The following CYP4F22 variants were observed in gnomAD, a reference collection of about 807,000 sequenced individuals.
CYP4F22 encodes ultra-long-chain fatty acid omega-hydroxylase.
CYP4F22 carries 37 observed loss-of-function variants against 60.4 expected under a neutral mutation model. The ratio of observed to expected loss-of-function variants is 0.61; its 90% CI spans 0.47 to 0.81. CYP4F22 has a LOEUF of 0.81. Among genes scored for constraint, CYP4F22 ranks in the 30% least tolerant of loss-of-function variants. The probability of loss-of-function intolerance (pLI) is 0.00; values close to 1 mark genes in which losing one functional copy is unlikely to be tolerated. For synonymous variants in CYP4F22, 258 were observed against 280.5 expected (o/e 0.92, Z 0.80); for missense variants, 655 against 715.0 (o/e 0.92, Z 0.96).
intron 10 of CYP4F22, among the ~76,000 whole-genome samples, chr19:15,546,005 T>C (rs1334235160): frequency 6.6e-6 from 1 of 152,164 alleles, no homozygotes; most frequent in Non-Finnish European, 1.5e-5. Context: ...AAGTTTATTT[T>C]TTTTTAAGAC....
rs572335692 is a variant in CYP4F22, at chr19:15,551,385, C to T, written c.1510C>T (p.Arg504Cys). 1.1e-5 allele frequency: 18 copies of T among 1,610,354 alleles called. No homozygotes were observed. In the African/African-American group the frequency reaches 1.6e-4, roughly 14 times the overall value. The change falls in exon 14 of 14, where the codon CGC (arginine) becomes TGC (cysteine). Residue 504 changes from arginine to cysteine, a missense_variant. Coordinates refer to ENST00000269703, the MANE Select transcript of CYP4F22 (RefSeq NM_173483.4). ...LRFRLSVDRT[R>C]KVRRKPELIL... Reference sequence around the variant, plus strand: ...TTTCCGCCTGAGCGTGGACCGAACGCGCAAGGTGCGGCGGAAGCCGGAGCT... The same window carrying T: ...TTTCCGCCTGAGCGTGGACCGAACGTGCAAGGTGCGGCGGAAGCCGGAGCT...
chr19:15,521,467 A>T (rs1295281860), intron 1 of CYP4F22, among the ~76,000 whole-genome samples: 1 of 151,768 alleles, frequency 6.6e-6, no homozygotes. Flanking sequence ...TCTTGACCTC[A>T]GGTGAGCTGC....
Position 15,551,336 on chromosome 19 carries a change from G to A in CYP4F22, c.1461G>A (p.Val487=), listed in dbSNP as rs538529966. ...GQSFAMAELR[V]VVALTLLRFR... ...GCTTCGCCATGGCCGAGTTGCGCGT[G>A]GTTGTGGCACTAACACTGCTACGTT... The change falls in exon 14 of 14, where the codon GTG becomes GTA. Residue 487 remains valine, a synonymous_variant. Transcript: ENST00000269703. The A allele has an allele frequency of 6.2e-7, 1 of 1,613,590 alleles. No homozygotes were observed. The highest frequency in any genetic ancestry group is 1.1e-5 in the South Asian group (1 of 90,892).
At chr19:15,547,984 AGAGAGAGAGAGGGAGAGAGTGTGTGTGT>A in intron 10 of CYP4F22, 96 bp from the exon 11 acceptor site, 1 of 989,140 alleles carries the variant, frequency 1.0e-6, no homozygotes, top group Non-Finnish European at 1.4e-6. Context: ...AGAGAGAGAG[AGAGAGAGAGAGGGAGAGAGTGTGTGTGT>A]GTGTGTGTGT....
At chr19:15,511,506 C>T (rs1466794504) in intron 1 of CYP4F22, among the ~76,000 whole-genome samples, 10 of 152,100 alleles carry the variant, frequency 6.6e-5, no homozygotes, top group Non-Finnish European at 1.5e-4. Context: ...ACTTAGAAGT[C>T]CCCTCTCAGC....
At chr19:15,513,181 T>A (rs1271544956) in intron 1 of CYP4F22, among the ~76,000 whole-genome samples, 3 of 151,626 alleles carry the variant, frequency 2.0e-5, no homozygotes, top group African/African-American at 7.3e-5. Context: ...TCTTTTTTCA[T>A]TTTTATTTTT....
chr19:15,551,265 G>A (rs369403135), intron 13 of CYP4F22, 29 bp from the exon 14 acceptor site: 46 of 1,602,438 alleles, frequency 2.9e-5, no homozygotes, highest in Non-Finnish European at 3.3e-5. Context: ...ACAGAAGCTG[G>A]GCCTGAGCCC....
chr19:15,548,674 A>G (rs934171769), intron 11 of CYP4F22, among the ~76,000 whole-genome samples: 4 of 152,144 alleles, frequency 2.6e-5, no homozygotes, highest in African/African-American at 4.8e-5. Flanking sequence ...GGGCTGGAGT[A>G]GCTCCAATAT....
In CYP4F22 at chr19:15,540,649, G is replaced by C; in HGVS notation, c.871G>C (p.Ala291Pro). 1 of 1,614,234 alleles carries C rather than the reference G, an allele frequency of 6.2e-7. No homozygotes were observed. The highest frequency in any genetic ancestry group is 8.5e-7 in the Non-Finnish European group (1 of 1,180,044). Residue 291 changes from alanine to proline, a missense_variant, in exon 8 of 14, where the codon GCC (alanine) becomes CCC (proline). Around this residue, in one of 3 missense-constraint regions of CYP4F22, gnomAD observed 430 missense variants for 457.1 expected, o/e 0.94. Coordinates refer to ENST00000269703, the MANE Select transcript of CYP4F22 (RefSeq NM_173483.4). ...ERRRALRQQG[A>P]EAWLKAKQGK... is the part of the protein sequence containing the mutation. Reference sequence around the variant, plus strand: ...GCGGCGGGCACTGCGTCAGCAGGGGGCCGAGGCCTGGCTTAAGGCCAAGCA... The same window carrying C: ...GCGGCGGGCACTGCGTCAGCAGGGGCCCGAGGCCTGGCTTAAGGCCAAGCA...
Position 15,537,677 on chromosome 19 carries a change from T to G in CYP4F22, c.549+15T>G, listed in dbSNP as rs774213936. The G allele has an allele frequency of 1.2e-6, 2 of 1,610,752 alleles. No homozygotes were observed. Among genetic ancestry groups the G allele is most frequent in the South Asian group, 1.1e-5 (1 of 91,084 alleles). On this transcript the variant is annotated intron_variant, in intron 6 of 13. Coordinates refer to ENST00000269703, the MANE Select transcript of CYP4F22 (RefSeq NM_173483.4). ...ACATTATGCATGTGAGTCCTAAGGCTTTGAGGGAAGAGGGTGTCTTGGGAG... is the reference window on the plus strand; with the variant it reads ...ACATTATGCATGTGAGTCCTAAGGCGTTGAGGGAAGAGGGTGTCTTGGGAG...
rs1410379521 is a variant in CYP4F22, at chr19:15,540,785, T to C, written c.939+68T>C. On this transcript the variant is annotated intron_variant, in intron 8 of 13. Coordinates refer to ENST00000269703, the MANE Select transcript of CYP4F22 (RefSeq NM_173483.4). The stretch of plus-strand genomic sequence containing the variant: ...GCCTCCCGAGGAATTGCATGTAAAA[T>C]GATAAGTGTTAAAACTCCATTAGGC... The C allele has an allele frequency of 1.9e-6, 3 of 1,585,758 alleles. No individual in the cohort carries two copies. The African/African-American group carries it at 4.1e-5, about 22-fold the overall frequency.
intron 3 of CYP4F22, among the ~76,000 whole-genome samples, 191 bp downstream of exon 3, chr19:15,525,749 G>C (rs1971276396): frequency 1.3e-5 from 2 of 152,204 alleles, no homozygotes; most frequent in African/African-American, 4.8e-5. Flanking sequence ...ACACAGGTGG[G>C]AGGAGGCAGA....
At chr19:15,524,122 C>T (rs1971254572) in intron 2 of CYP4F22, among the ~76,000 whole-genome samples, 1 of 151,206 alleles carries the variant, frequency 6.6e-6, no homozygotes, top group Non-Finnish European at 1.5e-5. Context: ...CTCAGCAGTA[C>T]AAGGAATTAA....
chr19:15,529,682 T>C (rs372685519), intron 3 of CYP4F22, 27 bp from the exon 4 acceptor site: 2 of 1,613,712 alleles, frequency 1.2e-6, no homozygotes, highest in Non-Finnish European at 1.7e-6. Context: ...GGGTACCTCC[T>C]CATTGCTCCT....
At chr19:15,509,375 T>C (rs1049227093) in intron 1 of CYP4F22, among the ~76,000 whole-genome samples, 1 of 152,098 alleles carries the variant, frequency 6.6e-6, no homozygotes, top group Admixed American at 6.6e-5. Flanking sequence ...CATGCACTCA[T>C]TGTGAGTCTC....
chr19:15,518,496 A>ATAT (rs111240789), intron 1 of CYP4F22, among the ~76,000 whole-genome samples: 2,246 of 148,424 alleles, frequency 0.015, 70 homozygotes, highest in African/African-American at 0.055. Flanking sequence ...AAAAAAAAAA[A>ATAT]AAATTACCTG....
rs1415859974 is a variant in CYP4F22 at position 15,523,480 on chromosome 19, A to G, written c.-108-213A>G. 2.6e-5 allele frequency among the ~76,000 whole-genome samples: 4 copies of G among 152,262 alleles called. No homozygotes were observed. The South Asian group carries it at 6.2e-4, about 24-fold the overall frequency. ...CATGAGAAACCAGCCCCGTGATCCAATCACCTTCCACTAGACCCCATCTCC... is the reference window on the plus strand; with the variant it reads ...CATGAGAAACCAGCCCCGTGATCCAGTCACCTTCCACTAGACCCCATCTCC... On this transcript the variant is annotated intron_variant, in intron 1 of 13. Transcript: ENST00000269703.
At chr19:15,542,577 C>T (rs923012546) in intron 8 of CYP4F22, among the ~76,000 whole-genome samples, 3 of 152,122 alleles carry the variant, frequency 2.0e-5, no homozygotes, top group African/African-American at 4.8e-5. Flanking sequence ...TTCAAGGATA[C>T]GTGTGTAGGG....
At chr19:15,540,383 A>T in intron 7 of CYP4F22, 67 bp from the exon 8 acceptor site, 1 of 1,606,878 alleles carries the variant, frequency 6.2e-7, no homozygotes, top group African/African-American at 1.3e-5. Flanking sequence ...GGCTTATCTT[A>T]GCCAAGCCAG....
Sources: allele counts gnomAD v4.1 joint callset (sites outside exome capture counted in the v4.1 genomes callset), GRCh38; gene constraint gnomAD v4.1.1; regional missense constraint gnomAD v4.1.1; transcripts MANE v1.5; gene names NCBI Gene and HGNC (gene_info 2026-07-23, HGNC 2026-07-21).